Variants in PDGFD observed in about 807,000 individuals in gnomAD.
PDGFD encodes platelet derived growth factor D.
In PDGFD, 30 loss-of-function variants were observed where a neutral mutation model predicts 44.7. The ratio of observed to expected loss-of-function variants is 0.67; its 90% CI spans 0.50 to 0.91. PDGFD has a LOEUF of 0.91. Among genes scored for constraint, PDGFD ranks in the 40% least tolerant of loss-of-function variants. The probability of loss-of-function intolerance (pLI) is 0.00; values close to 1 mark genes in which losing one functional copy is unlikely to be tolerated. For synonymous variants in PDGFD, 173 were observed against 168.4 expected (o/e 1.03, Z -0.21); for missense variants, 445 against 457.8 (o/e 0.97, Z 0.25).
intron 1 of PDGFD, among the ~76,000 whole-genome samples, chr11:104,054,679 T>C (rs1254663429): frequency 6.6e-6 from 1 of 152,130 alleles, no homozygotes; most frequent in African/African-American, 2.4e-5. Context: ...ACGTAGAAAA[T>C]GCTTTCAAAT....
At chr11:103,981,596 T>C (rs1205903316) in intron 3 of PDGFD, among the ~76,000 whole-genome samples, 2 of 151,830 alleles carry the variant, frequency 1.3e-5, no homozygotes, top group Non-Finnish European at 2.9e-5. Flanking sequence ...GACAGTTTAA[T>C]TGACACTCTA....
chr11:104,017,994 C>T (rs1463004205), intron 1 of PDGFD, among the ~76,000 whole-genome samples: 1 of 152,106 alleles, frequency 6.6e-6, no homozygotes, highest in Non-Finnish European at 1.5e-5. Flanking sequence ...TAAAAAAATA[C>T]AGTACCTTAT....
At chr11:104,030,368 G>T (rs1436742474) in intron 1 of PDGFD, among the ~76,000 whole-genome samples, 1 of 152,122 alleles carries the variant, frequency 6.6e-6, no homozygotes, top group Non-Finnish European at 1.5e-5. Context: ...GAATAATAAA[G>T]GCCAGGCTGA....
At chr11:104,143,692 G>A (rs1230694666) in intron 1 of PDGFD, among the ~76,000 whole-genome samples, 1 of 152,144 alleles carries the variant, frequency 6.6e-6, no homozygotes, top group Non-Finnish European at 1.5e-5. Flanking sequence ...AGAATCATGC[G>A]TTTTACTAGT....
chr11:103,944,097 G>A (rs1049820560), intron 4 of PDGFD, among the ~76,000 whole-genome samples: 3 of 151,960 alleles, frequency 2.0e-5, no homozygotes, highest in South Asian at 4.1e-4. Flanking sequence ...CCCTTTACAG[G>A]TCACCTGGCA....
In PDGFD at chr11:104,072,624, A is replaced by AAT. The variant is rs772508586; in HGVS notation, c.125-72371_125-72370dup. Among the ~76,000 whole-genome samples, 6 of 152,102 alleles carry AAT rather than the reference A, an allele frequency of 3.9e-5. No homozygotes were observed. In the East Asian group the frequency reaches 1.2e-3, roughly 29 times the overall value. On this transcript the variant is annotated intron_variant, in intron 1 of 6. Coordinates refer to ENST00000393158, the MANE Select transcript of PDGFD (RefSeq NM_025208.5). ...TACAATGTTGAAAGTTAACAGATATAATAGGCAGTCTTGACTTGTTTCTGG... is the reference window on the plus strand; with the variant it reads ...TACAATGTTGAAAGTTAACAGATATAATATAGGCAGTCTTGACTTGTTTCTGG...
At chr11:104,145,215 CAT>C (rs1239971334) in intron 1 of PDGFD, among the ~76,000 whole-genome samples, 1 of 152,142 alleles carries the variant, frequency 6.6e-6, no homozygotes, top group Non-Finnish European at 1.5e-5. Flanking sequence ...ATCATTATTC[CAT>C]ATGTCTCTCA....
intron 3 of PDGFD, among the ~76,000 whole-genome samples, chr11:103,957,449 C>T (rs1173053998): frequency 6.6e-6 from 1 of 152,152 alleles, no homozygotes; most frequent in Non-Finnish European, 1.5e-5. Context: ...AGGCATCACG[C>T]TACCTGACTT....
intron 1 of PDGFD, among the ~76,000 whole-genome samples, chr11:104,062,073 T>C (rs983381330): frequency 6.6e-6 from 1 of 152,222 alleles, no homozygotes. Context: ...CCATCCCCTC[T>C]AGTCAAGCCT....
In PDGFD at chr11:103,908,785, C is replaced by T. The variant is rs773453893; in HGVS notation, c.*909G>A. The T allele has an allele frequency of 6.6e-6, 1 of 152,204 alleles. No individual in the cohort carries two copies. The highest frequency in any genetic ancestry group is 1.9e-4 in the East Asian group (1 of 5,196). 9.4% of individuals were successfully genotyped at this position (152,204 alleles called of 1,614,324 possible). A position where few individuals can be genotyped will look rare whatever the true frequency, so the allele number is the denominator to read the frequency against. On this transcript the variant is annotated 3_prime_UTR_variant, in exon 7 of 7. Coordinates refer to ENST00000393158, the MANE Select transcript of PDGFD (RefSeq NM_025208.5). ...TTTTTAAGTTCTCAACTACCCACAT[C>T]TTTCACTGAACACCATCTGGAAAGG...
At chr11:103,996,349 A>G (rs770389905) in intron 2 of PDGFD, 104 bp from the exon 3 acceptor site, 2 of 1,004,182 alleles carry the variant, frequency 2.0e-6, no homozygotes, top group Non-Finnish European at 3.0e-6. Flanking sequence ...TGTCATGACC[A>G]CAATCTGAAA....
Position 104,072,257 on chromosome 11 carries a change from C to G in PDGFD, c.125-72002G>C, listed in dbSNP as rs1052377969. On this transcript the variant is annotated intron_variant, in intron 1 of 6. Coordinates refer to ENST00000393158, the MANE Select transcript of PDGFD (RefSeq NM_025208.5). ...GGTATGTCTTTTCATTTATTTAAAA[C>G]TACTCTATGTGTTTCAGTAGTGTAT... Among the ~76,000 whole-genome samples the G allele has an allele frequency of 7.9e-5, 12 of 151,938 alleles. No individual in the cohort carries two copies. The East Asian group carries it at 2.3e-3, about 29-fold the overall frequency.
chr11:103,992,097 T>G (rs893365360), intron 3 of PDGFD, among the ~76,000 whole-genome samples: 1 of 152,180 alleles, frequency 6.6e-6, no homozygotes, highest in African/African-American at 2.4e-5. Context: ...CTACCAAATA[T>G]TTGACAACAT....
At chr11:104,093,152 C>T (rs1206299446) in intron 1 of PDGFD, among the ~76,000 whole-genome samples, 1 of 152,020 alleles carries the variant, frequency 6.6e-6, no homozygotes, top group East Asian at 1.9e-4. Context: ...AGCTAGCAGC[C>T]CTTCTAGGAG....
chr11:103,927,962 T>C (rs1359093281), intron 5 of PDGFD, among the ~76,000 whole-genome samples: 1 of 152,232 alleles, frequency 6.6e-6, no homozygotes, highest in Non-Finnish European at 1.5e-5. Context: ...TCACATTCTT[T>C]TCCTTTAAAG....
intron 1 of PDGFD, among the ~76,000 whole-genome samples, chr11:104,135,632 A>G (rs1861993357): frequency 6.6e-6 from 1 of 152,126 alleles, no homozygotes. Flanking sequence ...TATCTGATCA[A>G]ATTTCTACCT....
intron 6 of PDGFD, among the ~76,000 whole-genome samples, chr11:103,913,362 CA>C (rs1448474039): frequency 6.6e-6 from 1 of 152,152 alleles, no homozygotes; most frequent in East Asian, 1.9e-4. Context: ...CAAAATCACA[CA>C]ACTACATGGA....
At chr11:104,000,345 T>C in intron 1 of PDGFD, 90 bp from the exon 2 acceptor site, 7 of 1,079,332 alleles carry the variant, frequency 6.5e-6, no homozygotes, top group Non-Finnish European at 9.6e-6. Flanking sequence ...ACATCATACT[T>C]CAAAACACTT....
intron 5 of PDGFD, among the ~76,000 whole-genome samples, chr11:103,942,009 C>T (rs1464992411): frequency 2.0e-5 from 3 of 152,098 alleles, no homozygotes; most frequent in African/African-American, 7.2e-5. Flanking sequence ...GTGATCTGCA[C>T]ATGGCATATC....
Sources: allele counts gnomAD v4.1 joint callset (sites outside exome capture counted in the v4.1 genomes callset), GRCh38; gene constraint gnomAD v4.1.1; transcripts MANE v1.5; gene names NCBI Gene and HGNC (gene_info 2026-07-23, HGNC 2026-07-21).